DNER: variants seen among roughly 807,000 people sequenced by gnomAD.
DNER encodes delta and Notch-like epidermal growth factor-related receptor.
In DNER, 33 loss-of-function variants were observed where a neutral mutation model predicts 78.2. That is an observed-to-expected ratio of 0.42 (90% CI 0.32 to 0.56). The LOEUF is 0.56. Ranked by LOEUF, DNER falls within the 20% of genes least tolerant of loss-of-function variation. The pLI, the probability that DNER is intolerant of heterozygous loss-of-function variation, is 0.11. For synonymous variants in DNER, 417 were observed against 384.8 expected (o/e 1.08, Z -0.98); for missense variants, 918 against 975.3 (o/e 0.94, Z 0.78).
intron 1 of DNER, among the ~76,000 whole-genome samples, chr2:229,689,362 A>G (rs1699532824): frequency 6.6e-6 from 1 of 152,196 alleles, no homozygotes; most frequent in African/African-American, 2.4e-5. Flanking sequence ...AAGTTTAGAC[A>G]TATTTCTCTT....
intron 10 of DNER, among the ~76,000 whole-genome samples, chr2:229,405,855 C>CT (rs995789909): frequency 1.3e-5 from 2 of 151,906 alleles, no homozygotes; most frequent in Non-Finnish European, 2.9e-5. Flanking sequence ...TCCTTCTATG[C>CT]TTTTTTTACT....
At chr2:229,649,717 T>C (rs1698777903) in intron 1 of DNER, among the ~76,000 whole-genome samples, 1 of 152,214 alleles carries the variant, frequency 6.6e-6, no homozygotes, top group South Asian at 2.1e-4. Context: ...CATTAGACTT[T>C]ATATACAGTG....
At position 229,410,211 on chromosome 2, in the gene DNER, C is replaced by A. The variant is rs79365566; in HGVS notation, c.1610-2866G>T. ...GAACCTTGATTTTCTCAACACAGAC[C>A]ACATTCTTCCACCACTGTGCCTTGA... On this transcript the variant is annotated intron_variant, in intron 9 of 12. Transcript: ENST00000341772. Among the ~76,000 whole-genome samples, 5 of 152,262 alleles carry A rather than the reference C, an allele frequency of 3.3e-5. No individual in the cohort carries two copies. The South Asian group carries it at 1.0e-3, about 32-fold the overall frequency.
intron 1 of DNER, among the ~76,000 whole-genome samples, chr2:229,685,202 G>A (rs1203258457): frequency 1.3e-5 from 2 of 151,488 alleles, no homozygotes; most frequent in Non-Finnish European, 2.9e-5. Flanking sequence ...GCAAAATAAT[G>A]CTGTTTGCAA....
At chr2:229,588,107 A>G (rs941839861) in intron 3 of DNER, among the ~76,000 whole-genome samples, 2 of 152,240 alleles carry the variant, frequency 1.3e-5, no homozygotes, top group Admixed American at 6.5e-5. Flanking sequence ...TTGGGAGACA[A>G]GGAATCTGGC....
intron 8 of DNER, among the ~76,000 whole-genome samples, chr2:229,433,845 CT>C (rs1271399757): frequency 4.6e-5 from 7 of 152,064 alleles, no homozygotes; most frequent in African/African-American, 1.7e-4. Flanking sequence ...TGTGAATTAG[CT>C]TTTTGCATTC....
chr2:229,469,994 T>C (rs1339501546), intron 7 of DNER, among the ~76,000 whole-genome samples: 2 of 152,168 alleles, frequency 1.3e-5, no homozygotes, highest in African/African-American at 4.8e-5. Context: ...GCTTAACACA[T>C]AGGAGGCACT....
At chr2:229,435,704 C>T (rs1694108668) in intron 8 of DNER, among the ~76,000 whole-genome samples, 1 of 152,106 alleles carries the variant, frequency 6.6e-6, no homozygotes, top group South Asian at 2.1e-4. Context: ...TGAATTGAAC[C>T]TAGGACATTC....
At chr2:229,514,771 C>T (rs995784776) in intron 5 of DNER, among the ~76,000 whole-genome samples, 5 of 152,176 alleles carry the variant, frequency 3.3e-5, no homozygotes, top group East Asian at 1.9e-4. Flanking sequence ...TAGGAGGATG[C>T]CCCTCACAAC....
intron 1 of DNER, among the ~76,000 whole-genome samples, chr2:229,671,747 G>A (rs1699212800): frequency 6.6e-6 from 1 of 152,208 alleles, no homozygotes; most frequent in South Asian, 2.1e-4. Context: ...GGACCAAGCT[G>A]TCGGGTTTGA....
chr2:229,534,439 A>G (rs375175348), intron 5 of DNER, among the ~76,000 whole-genome samples: 14 of 152,398 alleles, frequency 9.2e-5, no homozygotes, highest in African/African-American at 3.4e-4. Context: ...AAACAGACTG[A>G]AAGCGTTTGA....
chr2:229,626,759 T>C (rs1379859805), intron 1 of DNER, among the ~76,000 whole-genome samples: 1 of 152,254 alleles, frequency 6.6e-6, no homozygotes, highest in Non-Finnish European at 1.5e-5. Flanking sequence ...CTTCTCACTT[T>C]AAATAAATAT....
chr2:229,583,752 T>A (rs780427177), intron 4 of DNER, among the ~76,000 whole-genome samples: 2 of 152,154 alleles, frequency 1.3e-5, no homozygotes, highest in Non-Finnish European at 2.9e-5. Context: ...TGGAAGTAAA[T>A]AACAGTTACT....
In DNER at chr2:229,358,457, A is replaced by G; in HGVS notation, c.*83T>C. 8.9e-7 allele frequency: 1 copy of G among 1,124,992 alleles called. No individual in the cohort carries two copies. Among genetic ancestry groups the G allele is most frequent in the Non-Finnish European group, 1.2e-6 (1 of 821,862 alleles). The allele number at this position is 1,124,992 out of a possible 1,614,324, so 69.7% of individuals were successfully genotyped here. A position where few individuals can be genotyped will look rare whatever the true frequency, so the allele number is the denominator to read the frequency against. On this transcript the variant is annotated 3_prime_UTR_variant, in exon 13 of 13. Coordinates refer to ENST00000341772, the MANE Select transcript of DNER (RefSeq NM_139072.4). ...AAAACTCTTGAGCAGCTAGCATTTTAAATTTCTTAAGCTTTTTATTTTCTT... is the reference window on the plus strand; with the variant it reads ...AAAACTCTTGAGCAGCTAGCATTTTGAATTTCTTAAGCTTTTTATTTTCTT...
rs201515842 is a variant in DNER, at chr2:229,422,057, T to TG, written c.1487-3828dup. 6.9e-3 allele frequency among the ~76,000 whole-genome samples: 1,057 copies of TG among 152,174 alleles called. 7 individuals carry two copies. Among genetic ancestry groups the TG allele is most frequent in the African/African-American group, 0.024 (976 of 41,496 alleles). On this transcript the variant is annotated intron_variant, in intron 8 of 12. Coordinates refer to ENST00000341772, the MANE Select transcript of DNER (RefSeq NM_139072.4). ...TTAAGCTGGTGATGTTTTTCTTCCTTGGGGGGGAAAAAAGATAAAGTTTTC... is the reference window on the plus strand; with the variant it reads ...TTAAGCTGGTGATGTTTTTCTTCCTTGGGGGGGGAAAAAAGATAAAGTTTTC...
At chr2:229,635,444 C>G (rs770364457) in intron 1 of DNER, among the ~76,000 whole-genome samples, 20 of 150,566 alleles carry the variant, frequency 1.3e-4, no homozygotes, top group Admixed American at 5.3e-4. Flanking sequence ...GGCCGGCACA[C>G]TGTATGATAC....
intron 10 of DNER, among the ~76,000 whole-genome samples, chr2:229,390,589 A>G (rs1188309227): frequency 1.3e-5 from 2 of 152,200 alleles, no homozygotes; most frequent in African/African-American, 2.4e-5. Context: ...GATGGTGGGG[A>G]AAAAAATAGG....
chr2:229,483,561 T>C (rs1015113106), intron 6 of DNER, among the ~76,000 whole-genome samples: 2 of 152,222 alleles, frequency 1.3e-5, no homozygotes, highest in African/African-American at 4.8e-5. Context: ...TCAGAACCCA[T>C]TGGGATGTTG....
chr2:229,539,834 A>G (rs890315797), intron 5 of DNER, among the ~76,000 whole-genome samples: 1 of 152,164 alleles, frequency 6.6e-6, no homozygotes, highest in Non-Finnish European at 1.5e-5. Flanking sequence ...GCTCTCAGAA[A>G]TGTACTTGCA....
Sources: allele counts gnomAD v4.1 joint callset (sites outside exome capture counted in the v4.1 genomes callset), GRCh38; gene constraint gnomAD v4.1.1; transcripts MANE v1.5; gene names NCBI Gene and HGNC (gene_info 2026-07-23, HGNC 2026-07-21).